PXDNL: variants seen among roughly 807,000 people sequenced by gnomAD.
The protein encoded by PXDNL is probable oxidoreductase PXDNL.
A neutral mutation model predicts 150.8 loss-of-function variants in PXDNL; 145 were observed. That is an observed-to-expected ratio of 0.96 (90% CI 0.84 to 1.10). PXDNL has a LOEUF of 1.10. Ranked by LOEUF, PXDNL falls within the 50% of genes least tolerant of loss-of-function variation. The probability of loss-of-function intolerance (pLI) is 0.00; values close to 1 mark genes in which losing one functional copy is unlikely to be tolerated. For missense variants in PXDNL, 2,087 were observed against 1,873.9 expected, an observed-to-expected ratio of 1.11 and a Z score of -2.10; for synonymous variants, 757 against 725.7, an observed-to-expected ratio of 1.04 and a Z score of -0.69.
At chr8:51,642,900 A>T (rs1182771250) in intron 2 of PXDNL, among the ~76,000 whole-genome samples, 1 of 152,190 alleles carries the variant, frequency 6.6e-6, no homozygotes, top group East Asian at 1.9e-4. Context: ...CACCAATAAC[A>T]GGCAAACAGA....
At chr8:51,716,074 A>T (rs985116125) in intron 1 of PXDNL, among the ~76,000 whole-genome samples, 1 of 152,224 alleles carries the variant, frequency 6.6e-6, no homozygotes, top group African/African-American at 2.4e-5. Flanking sequence ...ATGAAAAGTT[A>T]CAGTCACACC....
At chr8:51,519,441 G>A (rs2130376635) in intron 4 of PXDNL, among the ~76,000 whole-genome samples, 1 of 152,132 alleles carries the variant, frequency 6.6e-6, no homozygotes, top group Non-Finnish European at 1.5e-5. Flanking sequence ...ACTGAGACAG[G>A]AGAATTGCTT....
At chr8:51,730,774 A>T (rs1011403020) in intron 1 of PXDNL, among the ~76,000 whole-genome samples, 1 of 152,214 alleles carries the variant, frequency 6.6e-6, no homozygotes, top group African/African-American at 2.4e-5. Flanking sequence ...TTCATGGCAG[A>T]AGGTGAAAGA....
chr8:51,547,222 C>T (rs531430893), intron 4 of PXDNL, among the ~76,000 whole-genome samples: 3 of 152,290 alleles, frequency 2.0e-5, no homozygotes, highest in African/African-American at 7.2e-5. Context: ...CACCTCCTGG[C>T]TGGAGGCCAC....
At chr8:51,399,018 G>T (rs922446746) in intron 17 of PXDNL, among the ~76,000 whole-genome samples, 1 of 152,088 alleles carries the variant, frequency 6.6e-6, no homozygotes. Context: ...GGAGATTGAA[G>T]ATGACAGTAG....
At chr8:51,642,328 G>A (rs1201064578) in intron 2 of PXDNL, among the ~76,000 whole-genome samples, 3 of 151,994 alleles carry the variant, frequency 2.0e-5, no homozygotes, top group Non-Finnish European at 2.9e-5. Flanking sequence ...CACACATTGT[G>A]CACATGTACC....
intron 1 of PXDNL, among the ~76,000 whole-genome samples, chr8:51,659,754 A>C (rs1815227956): frequency 6.6e-6 from 1 of 152,212 alleles, no homozygotes. Flanking sequence ...AAAATCCAGA[A>C]GTTCCCAGTG....
intron 1 of PXDNL, among the ~76,000 whole-genome samples, chr8:51,752,058 T>C (rs898777820): frequency 6.6e-6 from 1 of 152,248 alleles, no homozygotes; most frequent in South Asian, 2.1e-4. Context: ...CCAGGGCTTA[T>C]ACACGTTCTA....
intron 1 of PXDNL, among the ~76,000 whole-genome samples, chr8:51,743,178 T>C (rs1415693464): frequency 3.3e-5 from 5 of 151,392 alleles, no homozygotes; most frequent in Admixed American, 2.0e-4. Flanking sequence ...AGAGCCAAGA[T>C]GGAATGAAGG....
chr8:51,703,251 A>G (rs1816294445), intron 1 of PXDNL, among the ~76,000 whole-genome samples: 1 of 151,158 alleles, frequency 6.6e-6, no homozygotes, highest in South Asian at 2.1e-4. Flanking sequence ...GAGTAATTTA[A>G]CAGTAGAGCA....
chr8:51,781,935 T>A (rs1220425355), intron 1 of PXDNL, among the ~76,000 whole-genome samples: 4 of 152,152 alleles, frequency 2.6e-5, no homozygotes, highest in Non-Finnish European at 5.9e-5. Flanking sequence ...CGCCCCATCC[T>A]CCTCATGGTG....
chr8:51,735,537 T>G (rs112641632), intron 1 of PXDNL, among the ~76,000 whole-genome samples: 938 of 10,142 alleles, frequency 0.092, 32 homozygotes, highest in South Asian at 0.25. Context: ...TTTTTTTTTT[T>G]TTTTTTTTTT....
chr8:51,377,762 G>T (rs1038836246), intron 17 of PXDNL, among the ~76,000 whole-genome samples: 7 of 152,314 alleles, frequency 4.6e-5, no homozygotes, highest in Admixed American at 4.6e-4. Context: ...TGCGGGGCAG[G>T]GCTGAGGACC....
At chr8:51,553,633 A>G (rs1473126694) in intron 4 of PXDNL, among the ~76,000 whole-genome samples, 4 of 151,988 alleles carry the variant, frequency 2.6e-5, no homozygotes, top group Non-Finnish European at 5.9e-5. Context: ...CCTTTATTAC[A>G]GTGAATTGAA....
At chr8:51,532,072 T>G (rs1215420475) in intron 4 of PXDNL, among the ~76,000 whole-genome samples, 1 of 136,072 alleles carries the variant, frequency 7.3e-6, no homozygotes, top group Non-Finnish European at 1.6e-5. Flanking sequence ...AGGTTGCGGG[T>G]CTGGTCTGTC....
chr8:51,510,197 GAGA>G (rs1218222328), intron 4 of PXDNL, among the ~76,000 whole-genome samples: 6 of 152,272 alleles, frequency 3.9e-5, no homozygotes, highest in African/African-American at 1.4e-4. Context: ...GAGCCAGCGA[GAGA>G]AGGAGTTCCA....
At chr8:51,510,624 C>A (rs905382660) in intron 4 of PXDNL, among the ~76,000 whole-genome samples, 6 of 152,106 alleles carry the variant, frequency 3.9e-5, no homozygotes, top group Non-Finnish European at 8.8e-5. Flanking sequence ...GAGATAAAAC[C>A]GTCCCATGAG....
intron 1 of PXDNL, among the ~76,000 whole-genome samples, chr8:51,769,135 T>C (rs1468251455): frequency 6.6e-6 from 1 of 152,196 alleles, no homozygotes; most frequent in African/African-American, 2.4e-5. Flanking sequence ...AGAGGAATTG[T>C]GGAATGAACT....
intron 20 of PXDNL, among the ~76,000 whole-genome samples, chr8:51,344,713 G>A (rs1162322910): frequency 6.6e-6 from 1 of 152,188 alleles, no homozygotes; most frequent in African/African-American, 2.4e-5. Context: ...TACAGAATGT[G>A]TGTTACAGAA....
Sources: allele counts gnomAD v4.1 joint callset (sites outside exome capture counted in the v4.1 genomes callset), GRCh38; gene constraint gnomAD v4.1.1; transcripts MANE v1.5; gene names NCBI Gene and HGNC (gene_info 2026-07-23, HGNC 2026-07-21).